R3HDM2: variants seen among roughly 807,000 people sequenced by gnomAD.
The protein encoded by R3HDM2 is R3H domain-containing protein 2.
R3HDM2 carries 38 observed loss-of-function variants against 124.5 expected under a neutral mutation model. That is an observed-to-expected ratio of 0.31 (90% CI 0.24 to 0.40). The LOEUF is 0.40. Ranked by LOEUF, R3HDM2 falls within the 10% of genes least tolerant of loss-of-function variation. The probability of loss-of-function intolerance (pLI) is 1.00; values close to 1 mark genes in which losing one functional copy is unlikely to be tolerated. For synonymous variants in R3HDM2, 391 were observed against 448.0 expected (o/e 0.87, Z 1.61); for missense variants, 869 against 1,236.9 (o/e 0.70, Z 4.46).
chr12:57,422,999 A>G (rs1211008089), intron 1 of R3HDM2, among the ~76,000 whole-genome samples: 1 of 151,794 alleles, frequency 6.6e-6, no homozygotes, highest in Non-Finnish European at 1.5e-5. Flanking sequence ...AAATATATAA[A>G]TGAAGAATGG....
intron 13 of R3HDM2, among the ~76,000 whole-genome samples, chr12:57,281,347 C>G (rs1430955548): frequency 6.6e-6 from 1 of 151,578 alleles, no homozygotes; most frequent in Non-Finnish European, 1.5e-5. Context: ...TAACCTTTAT[C>G]CAACTCATTT....
At chr12:57,409,844 C>A (rs2068857849) in intron 1 of R3HDM2, among the ~76,000 whole-genome samples, 2 of 151,978 alleles carry the variant, frequency 1.3e-5, no homozygotes, top group Non-Finnish European at 2.9e-5. Context: ...GAAGACAGCT[C>A]GTTTTTCCAA....
chr12:57,411,929 G>A (rs1242213397), intron 1 of R3HDM2, among the ~76,000 whole-genome samples: 1 of 152,146 alleles, frequency 6.6e-6, no homozygotes, highest in African/African-American at 2.4e-5. Flanking sequence ...GATAGTCAGC[G>A]AGTTCTCACA....
chr12:57,405,848 G>A (rs2068478234), intron 1 of R3HDM2, among the ~76,000 whole-genome samples: 1 of 152,136 alleles, frequency 6.6e-6, no homozygotes, highest in African/African-American at 2.4e-5. Flanking sequence ...CAGGATTTGG[G>A]GGGCAATGTC....
chr12:57,399,403 A>AAAAAT (rs1015774375), intron 1 of R3HDM2, among the ~76,000 whole-genome samples: 13 of 152,150 alleles, frequency 8.5e-5, no homozygotes, highest in African/African-American at 1.2e-4. Flanking sequence ...CTCTGTCTCA[A>AAAAAT]AAAATAAAAT....
At chr12:57,289,856 C>T (rs1407842091) in intron 11 of R3HDM2, among the ~76,000 whole-genome samples, 2 of 152,160 alleles carry the variant, frequency 1.3e-5, no homozygotes, top group African/African-American at 4.8e-5. Flanking sequence ...GCCTCCTGCT[C>T]CCACACCCAA....
intron 2 of R3HDM2, among the ~76,000 whole-genome samples, chr12:57,355,988 T>C (rs2061248523): frequency 6.6e-6 from 1 of 152,226 alleles, no homozygotes; most frequent in East Asian, 1.9e-4. Context: ...ATACTCTACA[T>C]ACATGATGCT....
Position 57,260,263 on chromosome 12 carries a change from C to CAAAAA in R3HDM2, c.2132-1209_2132-1205dup, listed in dbSNP as rs566868060. Among the ~76,000 whole-genome samples, 100 of 31,554 alleles carry CAAAAA rather than the reference C, an allele frequency of 3.2e-3. 11 individuals are homozygous for CAAAAA. Among genetic ancestry groups the CAAAAA allele is most frequent in the African/African-American group, 9.9e-3 (80 of 8,112 alleles). The allele number at this position is 31,554 out of a possible 152,430, so 20.7% of individuals were successfully genotyped here. ...TGGGTGACAGAATGAGACCCTGCCTCAAAAAAAAAAAAAAAAAAAAAAGCC... is the reference window on the plus strand; with the variant it reads ...TGGGTGACAGAATGAGACCCTGCCTCAAAAAAAAAAAAAAAAAAAAAAAAAAAGCC... On this transcript the variant is annotated intron_variant, in intron 19 of 23. Coordinates refer to ENST00000402412, the MANE Select transcript of R3HDM2 (RefSeq NM_001394031.1).
intron 2 of R3HDM2, among the ~76,000 whole-genome samples, chr12:57,386,627 G>A (rs557619099): frequency 2.0e-5 from 3 of 152,210 alleles, no homozygotes; most frequent in Non-Finnish European, 2.9e-5. Context: ...CCAGTCCCAC[G>A]GACAGCCTAA....
At chr12:57,310,542 G>A in intron 2 of R3HDM2, 79 bp from the exon 3 acceptor site, 1 of 743,272 alleles carries the variant, frequency 1.3e-6, no homozygotes, top group South Asian at 6.4e-5. Flanking sequence ...TTTCACACGG[G>A]TACATTTTTT....
intron 1 of R3HDM2, among the ~76,000 whole-genome samples, chr12:57,409,609 C>A (rs983068643): frequency 6.6e-6 from 1 of 151,738 alleles, no homozygotes; most frequent in Non-Finnish European, 1.5e-5. Context: ...AAAGAAATCA[C>A]TACCTAATTG....
In R3HDM2 at chr12:57,425,760, T is replaced by G. The variant is rs945284565; in HGVS notation, c.-106+4960A>C. On this transcript the variant is annotated intron_variant, in intron 1 of 23. Coordinates refer to ENST00000402412, the MANE Select transcript of R3HDM2 (RefSeq NM_001394031.1). ...TGGTAGTGAGCTGAAATCAGGACAC[T>G]GCACTCCAGCCTGGGAGACACAGCA... is the stretch of plus-strand genomic sequence containing the variant. Among the ~76,000 whole-genome samples the G allele has an allele frequency of 3.9e-5, 6 of 152,086 alleles. 1 individual carries two copies. Among genetic ancestry groups the G allele is most frequent in the African/African-American group, 1.4e-4 (6 of 41,408 alleles).
At chr12:57,366,750 C>T (rs905072165) in intron 2 of R3HDM2, among the ~76,000 whole-genome samples, 4 of 152,138 alleles carry the variant, frequency 2.6e-5, no homozygotes, top group African/African-American at 4.8e-5. Flanking sequence ...AGTGCAGTGG[C>T]GCGATCTTGG....
At chr12:57,403,051 T>C (rs1452044103) in intron 1 of R3HDM2, among the ~76,000 whole-genome samples, 1 of 151,958 alleles carries the variant, frequency 6.6e-6, no homozygotes, top group African/African-American at 2.4e-5. Flanking sequence ...AGTGACTGGT[T>C]TGGGGGTATA....
At position 57,298,058 on chromosome 12, in the gene R3HDM2, C is replaced by A; in HGVS notation, c.500+32G>T. The A allele has an allele frequency of 4.1e-6, 6 of 1,480,172 alleles. No individual in the cohort carries two copies. Among genetic ancestry groups the A allele is most frequent in the Non-Finnish European group, 5.5e-6 (6 of 1,082,696 alleles). The allele number at this position is 1,480,172 out of a possible 1,614,324, so 91.7% of individuals were successfully genotyped here. A position where few individuals can be genotyped will look rare whatever the true frequency, so the allele number is the denominator to read the frequency against. On this transcript the variant is annotated intron_variant, in intron 7 of 23. Coordinates refer to ENST00000402412, the MANE Select transcript of R3HDM2 (RefSeq NM_001394031.1). ...TCTTGGAATCTTGCTATCCCCTAAC[C>A]CCTTTTCCTCTTATACCCATCATGT...
At chr12:57,383,279 C>T (rs947005495) in intron 2 of R3HDM2, among the ~76,000 whole-genome samples, 5 of 152,058 alleles carry the variant, frequency 3.3e-5, no homozygotes, top group East Asian at 1.9e-4. Flanking sequence ...GTGGTCACGC[C>T]GTTGCACTCC....
intron 1 of R3HDM2, among the ~76,000 whole-genome samples, chr12:57,408,926 T>C (rs2068765270): frequency 6.6e-6 from 1 of 151,984 alleles, no homozygotes; most frequent in South Asian, 2.1e-4. Context: ...CCTAGTTCAA[T>C]TTCTACTTCT....
chr12:57,328,357 T>G (rs1471128103), intron 2 of R3HDM2, among the ~76,000 whole-genome samples: 1 of 152,140 alleles, frequency 6.6e-6, no homozygotes, highest in East Asian at 1.9e-4. Context: ...CCACCATGCC[T>G]GGCCAGTTGT....
chr12:57,271,374 A>G (rs2043546259), intron 14 of R3HDM2, among the ~76,000 whole-genome samples: 1 of 151,934 alleles, frequency 6.6e-6, no homozygotes, highest in Non-Finnish European at 1.5e-5. Flanking sequence ...TCCATCTCTC[A>G]CTCATATGGT....
Sources: gnomAD v4.1 joint callset for allele counts (sites outside exome capture counted in the v4.1 genomes callset) on GRCh38, gnomAD v4.1.1 for gene constraint, MANE v1.5 for transcripts, NCBI Gene and HGNC (gene_info 2026-07-23, HGNC 2026-07-21) for gene names.